The following BAZ2A variants were observed in gnomAD, a reference collection of about 807,000 sequenced individuals.
BAZ2A encodes bromodomain adjacent to zinc finger domain 2A, also known as bromodomain adjacent to zinc finger domain protein 2A.
In BAZ2A, 34 loss-of-function variants were observed where a neutral mutation model predicts 199.9. The observed-to-expected ratio is 0.17, with a 90% CI of 0.13 to 0.23. BAZ2A has a LOEUF of 0.23. BAZ2A is among the 10% of genes least tolerant of loss of function. The probability of loss-of-function intolerance (pLI) is 1.00; values close to 1 mark genes in which losing one functional copy is unlikely to be tolerated. For synonymous variants in BAZ2A, 857 were observed against 883.9 expected (o/e 0.97, Z 0.54); for missense variants, 2,002 against 2,391.1 (o/e 0.84, Z 3.39).
intron 1 of BAZ2A, among the ~76,000 whole-genome samples, chr12:56,628,858 T>A (rs1398340602): frequency 1.3e-5 from 2 of 152,176 alleles, no homozygotes; most frequent in Admixed American, 6.5e-5. Flanking sequence ...GGAATTTGCA[T>A]CACTTACATA....
At position 56,613,969 on chromosome 12, in the gene BAZ2A, G is replaced by C; in HGVS notation, c.900C>G (p.Phe300Leu). 1 of 1,613,806 alleles carries C rather than the reference G, an allele frequency of 6.2e-7. No individual in the cohort carries two copies. The highest frequency in any genetic ancestry group is 1.1e-5 in the South Asian group (1 of 91,072). The change falls in exon 4 of 29, where the codon TTC (phenylalanine) becomes TTG (leucine). Residue 300 changes from phenylalanine (F) to leucine (L), a missense_variant. Transcript: ENST00000549884. ...PILSEDSLEP[F>L]NSLAPEPVSG... ...CAAACCTACCTGGTGCCAGAGAGTT[G>C]AAGGGCTCCAGAGAGTCTTCACTGA...
intron 1 of BAZ2A, among the ~76,000 whole-genome samples, chr12:56,629,461 A>G (rs1951221309): frequency 6.6e-6 from 1 of 152,074 alleles, no homozygotes; most frequent in Non-Finnish European, 1.5e-5. Flanking sequence ...TCTGCCCCTC[A>G]GCCCAGCTCA....
chr12:56,622,565 A>G (rs964825478), intron 1 of BAZ2A, among the ~76,000 whole-genome samples: 1 of 152,184 alleles, frequency 6.6e-6, no homozygotes, highest in African/African-American at 2.4e-5. Context: ...TTCCTACTCA[A>G]GATGCTTTTC....
chr12:56,602,298 C>T (rs1362184980), intron 19 of BAZ2A, 106 bp from the exon 20 acceptor site: 7 of 1,049,552 alleles, frequency 6.7e-6, no homozygotes, highest in Non-Finnish European at 9.4e-6. Context: ...GGACTTAGTC[C>T]CCCTTTTTTG....
At position 56,602,775 on chromosome 12, in the gene BAZ2A, C is replaced by T. The variant is rs187673275; in HGVS notation, c.3362G>A (p.Arg1121His). ...CAAATACGGCAATACCCAGTAGCGA[C>T]GTCTGTAGCGGTCCTGACCCAGGGA... is the stretch of plus-strand genomic sequence containing the variant. ...AVSLGQDRYR[R>H]RYWVLPYLAG... The change falls in exon 19 of 29, where the codon CGT becomes CAT. Residue 1121 changes from arginine (R) to histidine (H), a missense_variant. Arg to His is a conservative substitution (Grantham distance 29). Transcript: ENST00000549884. 2 of 1,613,950 alleles carry T rather than the reference C, an allele frequency of 1.2e-6. No individual in the cohort carries two copies. The highest frequency in any genetic ancestry group is 1.7e-6 in the Non-Finnish European group (2 of 1,179,854).
intron 3 of BAZ2A, 125 bp downstream of exon 3, chr12:56,614,889 C>A (rs1950668132): frequency 9.7e-7 from 1 of 1,036,244 alleles, no homozygotes; most frequent in African/African-American, 1.6e-5. Context: ...TTGCTAATCA[C>A]CAACATGCAA....
chr12:56,613,359 TAA>T (rs779964826), intron 4 of BAZ2A, 126 bp from the exon 5 acceptor site: 5 of 953,946 alleles, frequency 5.2e-6, no homozygotes, highest in Non-Finnish European at 7.9e-6. Flanking sequence ...TTCCTAATAT[TAA>T]GTTAGGTAAC....
At chr12:56,637,258 T>C (rs1188857398), upstream of BAZ2A, among the ~76,000 whole-genome samples, 1 of 152,202 alleles carries the variant, frequency 6.6e-6, no homozygotes, top group African/African-American at 2.4e-5. Flanking sequence ...CAATCTGACC[T>C]TGCACGCTTC....
chr12:56,605,159 C>G lies in BAZ2A; in HGVS notation c.2662G>C (p.Gly888Arg), dbSNP rs1950302016. ...TCTTGCACCTCACCCAAGCTGTCAC[C>G]TTGACACAGGAGTCCCTCCTGCAGG... is the stretch of plus-strand genomic sequence containing the variant. ...GVLQEGLLCQ[G>R]DSLGEVQDLL... Residue 888 changes from glycine to arginine, a missense_variant, in exon 14 of 29, where the codon GGT becomes CGT. Physicochemically the swap from Gly to Arg is moderately radical, Grantham distance 125. Around this residue, in one of 6 missense-constraint regions of BAZ2A, gnomAD observed 1,081 missense variants for 1,274.7 expected, o/e 0.85. Coordinates refer to ENST00000549884, the MANE Select transcript of BAZ2A (RefSeq NM_001300905.2). 6.2e-7 allele frequency: 1 copy of G among 1,613,754 alleles called. No homozygotes were observed. Among genetic ancestry groups the G allele is most frequent in the Non-Finnish European group, 8.5e-7 (1 of 1,179,846 alleles).
At chr12:56,616,326 C>T (rs961082112) in intron 2 of BAZ2A, among the ~76,000 whole-genome samples, 13 of 152,280 alleles carry the variant, frequency 8.5e-5, no homozygotes, top group African/African-American at 2.9e-4. Flanking sequence ...CGCTAGGGGC[C>T]CCCTTTCCCC....
chr12:56,628,177 C>CAAAAAAAAAAAAAAAAAAAAAAA (rs57372528), intron 1 of BAZ2A, among the ~76,000 whole-genome samples: 2 of 28,368 alleles, frequency 7.1e-5, no homozygotes, highest in South Asian at 1.7e-3. Flanking sequence ...AACTCCGTCT[C>CAAAAAAAAAAAAAAAAAAAAAAA]AAAAAAAAAA....
At position 56,614,099 on chromosome 12, in the gene BAZ2A, A is replaced by C. The variant is rs753275823; in HGVS notation, c.770T>G (p.Val257Gly). The C allele has an allele frequency of 3.7e-6, 6 of 1,613,902 alleles. No homozygotes were observed. Among genetic ancestry groups the C allele is most frequent in the South Asian group, 2.2e-5 (2 of 91,088 alleles). ...TGAGACCTCTTGGTGTAACGATTCC[A>C]CAGAAGGGACAGAGCCATTGTAGCC... The part of the protein sequence containing the change: ...MCGYNGSVPS[V>G]ESLHQEVSVL... Residue 257 changes from valine to glycine, a missense_variant, in exon 4 of 29, where the codon GTG becomes GGG. This residue lies in a region of BAZ2A where 641 missense variants were observed against 694.5 expected (regional missense o/e 0.92). Transcript: ENST00000549884.
chr12:56,615,735 ATATT>A, intron 2 of BAZ2A, 128 bp from the exon 3 acceptor site: 5 of 803,314 alleles, frequency 6.2e-6, no homozygotes, highest in Non-Finnish European at 7.6e-6. Context: ...CTCCCCTGCT[ATATT>A]TAGTTTTTGG....
At chr12:56,623,922 G>T (rs968577205) in intron 1 of BAZ2A, among the ~76,000 whole-genome samples, 1 of 152,006 alleles carries the variant, frequency 6.6e-6, no homozygotes, top group Non-Finnish European at 1.5e-5. Context: ...TTTGGCTTTT[G>T]TATCTAAAAA....
rs547674402 is a variant in BAZ2A at position 56,612,882 on chromosome 12, G to A, written c.1135+133C>T. On this transcript the variant is annotated intron_variant, in intron 5 of 28. Coordinates refer to ENST00000549884, the MANE Select transcript of BAZ2A (RefSeq NM_001300905.2). ...GGTGATCCACCCGCCTCGGCCTCCCGAAGTGCTGAGATTACAGGCGTGAGC... is the reference window on the plus strand; with the variant it reads ...GGTGATCCACCCGCCTCGGCCTCCCAAAGTGCTGAGATTACAGGCGTGAGC... 42 of 1,030,566 alleles carry A rather than the reference G, an allele frequency of 4.1e-5. No homozygotes were observed. In the Admixed American group the frequency reaches 7.7e-4, roughly 19 times the overall value. 63.8% of individuals were successfully genotyped at this position (1,030,566 alleles called of 1,614,324 possible).
chr12:56,600,880 T>C (rs1374111736), intron 22 of BAZ2A, 48 bp from the exon 23 acceptor site: 1 of 1,611,338 alleles, frequency 6.2e-7, no homozygotes, highest in African/African-American at 1.3e-5. Context: ...CTGTTGTCCC[T>C]AGCAGCAGCT....
chr12:56,605,486 A>T lies in BAZ2A; in HGVS notation c.2494-159T>A, dbSNP rs878995336. 9.9e-6 allele frequency: 8 copies of T among 809,570 alleles called. No homozygotes were observed. In the Admixed American group the frequency reaches 2.5e-4, roughly 25 times the overall value. 50.1% of individuals were successfully genotyped at this position (809,570 alleles called of 1,614,324 possible). ...ACCCAAGCTGGAGTGCAGTGGCATGATCTCTGCTTACTGCAGCCTCGACCT... is the reference window on the plus strand; with the variant it reads ...ACCCAAGCTGGAGTGCAGTGGCATGTTCTCTGCTTACTGCAGCCTCGACCT... On this transcript the variant is annotated intron_variant, in intron 13 of 28. Transcript: ENST00000549884.
chr12:56,636,363 T>G, exon 1 of BAZ2A: 1 of 1,265,996 alleles, frequency 7.9e-7, no homozygotes, highest in Non-Finnish European at 1.0e-6. Context: ...TAGGGTGATG[T>G]CCCTGTGTGA....
Position 56,612,961 on chromosome 12 carries a change from C to T in BAZ2A, c.1135+54G>A, listed in dbSNP as rs1950609299. ...TAAGGCCCTAACTATGAAACTTATT[C>T]TCTCATCTTTTCTCAGGTAAAGGTC... On this transcript the variant is annotated intron_variant, in intron 5 of 28. Coordinates refer to ENST00000549884, the MANE Select transcript of BAZ2A (RefSeq NM_001300905.2). 2.0e-6 allele frequency: 3 copies of T among 1,529,146 alleles called. No individual in the cohort carries two copies. The East Asian group carries it at 6.9e-5, about 35-fold the overall frequency. 94.7% of individuals were successfully genotyped at this position (1,529,146 alleles called of 1,614,324 possible).
Sources: gnomAD v4.1 joint callset for allele counts (sites outside exome capture counted in the v4.1 genomes callset) on GRCh38, gnomAD v4.1.1 for gene constraint, gnomAD v4.1.1 regional missense constraint, MANE v1.5 for transcripts, NCBI Gene and HGNC (gene_info 2026-07-23, HGNC 2026-07-21) for gene names.